Variants in PLA2G4E observed in about 807,000 individuals in gnomAD.
The protein encoded by PLA2G4E is cytosolic phospholipase A2 epsilon.
PLA2G4E carries 84 observed loss-of-function variants against 109.1 expected under a neutral mutation model. The ratio of observed to expected loss-of-function variants is 0.77; its 90% CI spans 0.65 to 0.92. The LOEUF is 0.92. Ranked by LOEUF, PLA2G4E falls within the 40% of genes least tolerant of loss-of-function variation. The pLI is 0.00. For missense variants in PLA2G4E, 1,057 were observed against 1,076.6 expected (o/e 0.98, Z 0.25); for synonymous variants, 469 against 436.1 (o/e 1.08, Z -0.94).
chr15:41,989,349 C>G, intron 15 of PLA2G4E, 66 bp downstream of exon 15: 1 of 1,594,870 alleles, frequency 6.3e-7, no homozygotes, highest in Non-Finnish European at 8.6e-7. Context: ...TAATCAGGGG[C>G]CAACCCAGGG....
At chr15:42,041,972 T>C (rs921276198) in intron 1 of PLA2G4E, among the ~76,000 whole-genome samples, 1 of 152,202 alleles carries the variant, frequency 6.6e-6, no homozygotes, top group East Asian at 1.9e-4. Context: ...CCATGCGAAT[T>C]CTCTGGGCTA....
intron 1 of PLA2G4E, among the ~76,000 whole-genome samples, chr15:42,028,502 C>A (rs1425797728): frequency 6.6e-6 from 1 of 151,906 alleles, no homozygotes; most frequent in African/African-American, 2.4e-5. Context: ...CACCTCCTGG[C>A]TTCAAGCAAT....
exon 3 of PLA2G4E, chr15:42,007,857 T>C: frequency 1.9e-6 from 3 of 1,602,726 alleles, no homozygotes; most frequent in Non-Finnish European, 2.6e-6. Context: ...AAACAGTCTG[T>C]CTGGCTCACT....
intron 7 of PLA2G4E, among the ~76,000 whole-genome samples, chr15:42,000,872 T>C (rs1383958944): frequency 6.6e-6 from 1 of 152,122 alleles, no homozygotes; most frequent in Admixed American, 6.5e-5. Context: ...GGTCCTGGCA[T>C]GGCACAGCAC....
chr15:41,990,231 T>A (rs762945377), exon 14 of PLA2G4E: 24 of 1,613,336 alleles, frequency 1.5e-5, no homozygotes, highest in Non-Finnish European at 2.0e-5. Flanking sequence ...TTTGCATTCA[T>A]TTCTCTGTGG....
chr15:42,030,609 C>G (rs1367501365), intron 1 of PLA2G4E, among the ~76,000 whole-genome samples: 11 of 152,208 alleles, frequency 7.2e-5, no homozygotes, highest in Admixed American at 6.5e-4. Context: ...GGCCAGGTGG[C>G]AGCCTTCATT....
At chr15:42,005,918 C>T in intron 4 of PLA2G4E, 72 bp downstream of exon 4, 4 of 1,538,634 alleles carry the variant, frequency 2.6e-6, no homozygotes, top group Non-Finnish European at 2.7e-6. Flanking sequence ...TGGGGAATGG[C>T]TTTGTGGGAA....
chr15:42,013,332 GT>G (rs2068556162), intron 2 of PLA2G4E, among the ~76,000 whole-genome samples: 2 of 152,324 alleles, frequency 1.3e-5, no homozygotes, highest in East Asian at 3.9e-4. Flanking sequence ...AGTGCTCCGT[GT>G]GGGCAAAGCG....
exon 9 of PLA2G4E, chr15:41,999,956 G>A (rs746738669): frequency 1.2e-5 from 19 of 1,611,414 alleles, no homozygotes; most frequent in African/African-American, 8.0e-5. Flanking sequence ...AAAGGCAGTC[G>A]AGGGGCTGGC....
At chr15:42,005,097 C>T in intron 4 of PLA2G4E, 119 bp from the exon 5 acceptor site, 1 of 1,208,446 alleles carries the variant, frequency 8.3e-7, no homozygotes, top group African/African-American at 1.5e-5. Context: ...CCACAGCTGC[C>T]TGCTGCCATG....
chr15:42,014,864 G>A (rs1288733402), intron 1 of PLA2G4E, among the ~76,000 whole-genome samples: 3 of 152,138 alleles, frequency 2.0e-5, no homozygotes, highest in Non-Finnish European at 4.4e-5. Flanking sequence ...TTGATGACTG[G>A]CTCCTGTCAG....
At chr15:42,002,574 T>C in intron 6 of PLA2G4E, 80 bp downstream of exon 6, 1 of 1,450,030 alleles carries the variant, frequency 6.9e-7, no homozygotes, top group Non-Finnish European at 9.5e-7. Context: ...GGCCCACTGT[T>C]TTCTCCCTTG....
intron 1 of PLA2G4E, among the ~76,000 whole-genome samples, chr15:42,037,823 G>T (rs1477603826): frequency 1.3e-5 from 2 of 152,216 alleles, no homozygotes; most frequent in Admixed American, 6.5e-5. Flanking sequence ...GCTGCTTGCG[G>T]TGCACCTGGA....
chr15:41,990,066 C>A lies in PLA2G4E; in HGVS notation c.1585+55G>T, dbSNP rs867522975. On this transcript the variant is annotated intron_variant, in intron 14 of 19. Coordinates refer to ENST00000399518, the Ensembl canonical transcript of PLA2G4E. ...CCTGGAGGTGCTGGGTGCTTTTGCC[C>A]ACCAAGAAGTCCCCCCCTCCACCCC... 37 of 1,460,400 alleles carry A rather than the reference C, an allele frequency of 2.5e-5. 1 individual carries two copies. The Middle Eastern group carries it at 2.2e-3, about 85-fold the overall frequency. 90.5% of individuals were successfully genotyped at this position (1,460,400 alleles called of 1,614,324 possible).
At chr15:42,046,362 C>G (rs544914336) in intron 1 of PLA2G4E, among the ~76,000 whole-genome samples, 3 of 152,362 alleles carry the variant, frequency 2.0e-5, no homozygotes, top group African/African-American at 7.2e-5. Flanking sequence ...CCTCCCAATG[C>G]TTTCTTCCTT....
intron 19 of PLA2G4E, 54 bp from the exon 20 acceptor site, chr15:41,984,028 C>CT: frequency 6.7e-7 from 1 of 1,494,086 alleles, no homozygotes; most frequent in South Asian, 1.2e-5. Flanking sequence ...GTTGGAATGA[C>CT]TTGTTTCCAC....
intron 15 of PLA2G4E, among the ~76,000 whole-genome samples, 192 bp downstream of exon 15, chr15:41,989,223 C>T (rs1349326944): frequency 2.0e-5 from 3 of 152,176 alleles, no homozygotes; most frequent in African/African-American, 7.2e-5. Flanking sequence ...GAGCAGGCTG[C>T]AGGGAGACTG....
intron 1 of PLA2G4E, 99 bp from the exon 2 acceptor site, chr15:42,013,856 G>C: frequency 1.4e-6 from 1 of 711,096 alleles, no homozygotes; most frequent in Non-Finnish European, 2.2e-6. Flanking sequence ...GGCCGGCCCA[G>C]TTGCATTACA....
At chr15:41,986,923 G>A (rs2068150817) in intron 17 of PLA2G4E, 1 of 545,836 alleles carries the variant, frequency 1.8e-6, no homozygotes, top group Non-Finnish European at 3.3e-6. Flanking sequence ...TAGGACTGTT[G>A]TACAGATTCT....
Sources: gnomAD v4.1 joint callset for allele counts (sites outside exome capture counted in the v4.1 genomes callset) on GRCh38, gnomAD v4.1.1 for gene constraint, MANE v1.5 for transcripts, NCBI Gene and HGNC (gene_info 2026-07-23, HGNC 2026-07-21) for gene names.